PARD3B: variants seen among roughly 807,000 people sequenced by gnomAD.
PARD3B encodes par-3 family cell polarity regulator beta.
In PARD3B, 103 loss-of-function variants were observed where a neutral mutation model predicts 130.2. The ratio of observed to expected loss-of-function variants is 0.79; its 90% CI spans 0.67 to 0.93. The LOEUF (loss-of-function observed/expected upper bound fraction) is 0.93, where lower values mean the gene tolerates loss of function less well. Ranked by LOEUF, PARD3B falls within the 40% of genes least tolerant of loss-of-function variation. The probability of loss-of-function intolerance (pLI) is 0.00; values close to 1 mark genes in which losing one functional copy is unlikely to be tolerated. For synonymous variants in PARD3B, 583 were observed against 553.2 expected (o/e 1.05, Z -0.76); for missense variants, 1,609 against 1,499.2 (o/e 1.07, Z -1.21).
At chr2:205,306,552 C>A (rs1271352335) in intron 18 of PARD3B, among the ~76,000 whole-genome samples, 1 of 152,110 alleles carries the variant, frequency 6.6e-6, no homozygotes, top group Non-Finnish European at 1.5e-5. Context: ...TACTTCATTG[C>A]CCATAATACA....
chr2:204,876,228 C>T (rs1206443136), intron 2 of PARD3B, among the ~76,000 whole-genome samples: 1 of 152,176 alleles, frequency 6.6e-6, no homozygotes, highest in East Asian at 1.9e-4. Flanking sequence ...TAATCTTTGC[C>T]TCATAAAATG....
At chr2:205,036,649 T>C (rs1425686258) in intron 3 of PARD3B, among the ~76,000 whole-genome samples, 1 of 146,578 alleles carries the variant, frequency 6.8e-6, no homozygotes, top group Non-Finnish European at 1.5e-5. Flanking sequence ...AAAAAGTATA[T>C]ATACACAGCG....
intron 16 of PARD3B, among the ~76,000 whole-genome samples, chr2:205,285,649 C>A (rs1207422): frequency 0.1 from 15,638 of 152,204 alleles, 882 homozygotes; most frequent in African/African-American, 0.12. Flanking sequence ...CGATGTTCTC[C>A]GCTGTCGCCC....
intron 20 of PARD3B, among the ~76,000 whole-genome samples, chr2:205,475,969 T>C (rs1277002515): frequency 6.6e-6 from 1 of 152,194 alleles, no homozygotes; most frequent in Non-Finnish European, 1.5e-5. Context: ...ATTTAGCTTG[T>C]TTTATTGCTG....
chr2:205,062,442 G>A (rs142040106), intron 4 of PARD3B, among the ~76,000 whole-genome samples: 430 of 152,032 alleles, frequency 2.8e-3, no homozygotes, highest in African/African-American at 8.1e-3. Flanking sequence ...CCTGCTCCCC[G>A]CTCCCACCCA....
intron 4 of PARD3B, among the ~76,000 whole-genome samples, chr2:205,095,199 G>A (rs928670206): frequency 2.0e-5 from 3 of 152,080 alleles, no homozygotes; most frequent in African/African-American, 7.2e-5. Flanking sequence ...CTGGGCTTAA[G>A]CAGTTTTAAT....
rs757843124 is a variant in PARD3B, at chr2:205,104,507, A to T, written c.586A>T (p.Thr196Ser). 1.3e-6 allele frequency: 2 copies of T among 1,533,950 alleles called. No homozygotes were observed. Among genetic ancestry groups the T allele is most frequent in the South Asian group, 2.2e-5 (2 of 89,248 alleles). Residue 196 changes from threonine to serine, a missense_variant, in exon 5 of 23, where the codon ACA (threonine) becomes TCA (serine). Transcript: ENST00000406610. Reference sequence around the variant, plus strand: ...ACTAACTTCGCCAAGAACTAAGGACACATTGAGGTATTCTCTTTATACAGA... The same window carrying T: ...ACTAACTTCGCCAAGAACTAAGGACTCATTGAGGTATTCTCTTTATACAGA... ...ELLTSPRTKD[T>S]LSDMTRTVEI...
intron 16 of PARD3B, among the ~76,000 whole-genome samples, chr2:205,286,119 T>A (rs1054504106): frequency 2.0e-5 from 3 of 152,104 alleles, no homozygotes; most frequent in African/African-American, 7.2e-5. Flanking sequence ...TGCTCAAAAG[T>A]TGATTTTAAA....
Position 205,183,730 on chromosome 2 carries a change from TTGTGTGTGTGTGTGTGTG to T in PARD3B, c.1925-2007_1925-1990del, listed in dbSNP as rs71410805. Among the ~76,000 whole-genome samples, 4 of 138,160 alleles carry T rather than the reference TTGTGTGTGTGTGTGTGTG, an allele frequency of 2.9e-5. No homozygotes were observed. Among genetic ancestry groups the T allele is most frequent in the African/African-American group, 5.4e-5 (2 of 37,068 alleles). 90.6% of individuals were successfully genotyped at this position (138,160 alleles called of 152,430 possible). On this transcript the variant is annotated intron_variant, in intron 13 of 22. Coordinates refer to ENST00000406610, the MANE Select transcript of PARD3B (RefSeq NM_001302769.2). The surrounding 1 kb of genome is among the most constrained non-coding windows in gnomAD (Gnocchi z 5.2). ...GGTTCTGCAGAGAAACAGAACCAAG[TTGTGTGTGTGTGTGTGTG>T]TGTGTGTGTGTGTGTGTGTGTGTGT...
chr2:204,931,160 A>G (rs1412998993), intron 2 of PARD3B, among the ~76,000 whole-genome samples: 1 of 152,116 alleles, frequency 6.6e-6, no homozygotes, highest in East Asian at 1.9e-4. Context: ...CAAATTCAGT[A>G]TTTTGTAGAT....
At position 205,525,922 on chromosome 2, in the gene PARD3B, G is replaced by A. The variant is rs114490570; in HGVS notation, c.3180+25891G>A. Among the ~76,000 whole-genome samples, 210 of 152,200 alleles carry A rather than the reference G, an allele frequency of 1.4e-3. No individual in the cohort carries two copies. The highest frequency in any genetic ancestry group is 4.8e-3 in the African/African-American group (199 of 41,526). Reference sequence around the variant, plus strand: ...CTTTTTCAAAAATCATCTTAGAATCGAACCAGTCTTACTCTGATTTTCATG... The same window carrying A: ...CTTTTTCAAAAATCATCTTAGAATCAAACCAGTCTTACTCTGATTTTCATG... On this transcript the variant is annotated intron_variant, in intron 21 of 22. Transcript: ENST00000406610. The surrounding 1 kb of genome is among the most constrained non-coding windows in gnomAD (Gnocchi z 4.2).
At chr2:204,572,991 G>A (rs542111926) in intron 1 of PARD3B, among the ~76,000 whole-genome samples, 4 of 152,170 alleles carry the variant, frequency 2.6e-5, no homozygotes, top group African/African-American at 4.8e-5. Flanking sequence ...TGACTTCTCT[G>A]CTATCTTAAA....
rs184625770 is a variant in PARD3B, at chr2:205,321,133, G to C, written c.2630+19432G>C. The stretch of plus-strand genomic sequence containing the variant: ...TAACTGTAGCTAAAACATTAATATA[G>C]TTTAGAGATGATAGTTTTTGTAATA... On this transcript the variant is annotated intron_variant, in intron 18 of 22. Coordinates refer to ENST00000406610, the MANE Select transcript of PARD3B (RefSeq NM_001302769.2). The surrounding 1 kb of genome is among the most constrained non-coding windows in gnomAD (Gnocchi z 4.2). Among the ~76,000 whole-genome samples, 90 of 152,276 alleles carry C rather than the reference G, an allele frequency of 5.9e-4. No individual in the cohort carries two copies. The highest frequency in any genetic ancestry group is 2.1e-3 in the African/African-American group (89 of 41,548).
At chr2:204,868,481 C>A (rs182909967) in intron 2 of PARD3B, among the ~76,000 whole-genome samples, 4 of 152,164 alleles carry the variant, frequency 2.6e-5, no homozygotes, top group African/African-American at 9.6e-5. Flanking sequence ...CACACCCATG[C>A]CTTAGTTGTA....
At chr2:204,600,791 C>G (rs1367346548) in intron 1 of PARD3B, among the ~76,000 whole-genome samples, 1 of 151,800 alleles carries the variant, frequency 6.6e-6, no homozygotes, top group Non-Finnish European at 1.5e-5. Flanking sequence ...CCATCATTGA[C>G]TAGCCTCTCT....
intron 16 of PARD3B, among the ~76,000 whole-genome samples, chr2:205,254,665 T>TTA (rs1491353728): frequency 2.4e-5 from 3 of 127,106 alleles, no homozygotes; most frequent in African/African-American, 1.0e-4. Context: ...TTTTATTTTA[T>TTA]TTTATTTTTT....
In PARD3B at chr2:205,006,166, G is replaced by A. The variant is rs183204790; in HGVS notation, c.394+40843G>A. 1.6e-3 allele frequency among the ~76,000 whole-genome samples: 238 copies of A among 152,280 alleles called. 1 individual carries two copies. The highest frequency in any genetic ancestry group is 5.2e-3 in the African/African-American group (217 of 41,560). ...TTCATTCCTTTTTTATGGCTGAGTA[G>A]TATTCCACGGTGTATATATACCACA... On this transcript the variant is annotated intron_variant, in intron 3 of 22. Coordinates refer to ENST00000406610, the MANE Select transcript of PARD3B (RefSeq NM_001302769.2).
At chr2:205,548,959 A>C (rs1204525958) in intron 21 of PARD3B, among the ~76,000 whole-genome samples, 2 of 152,170 alleles carry the variant, frequency 1.3e-5, no homozygotes, top group Non-Finnish European at 2.9e-5. Flanking sequence ...CAAAGACCTC[A>C]ATGGATCCCT....
chr2:205,059,336 G>A (rs1182896243), intron 4 of PARD3B, among the ~76,000 whole-genome samples: 5 of 151,990 alleles, frequency 3.3e-5, no homozygotes, highest in African/African-American at 9.7e-5. Context: ...ACTGCATGAA[G>A]GACCCTATGT....
Sources: allele counts gnomAD v4.1 joint callset (sites outside exome capture counted in the v4.1 genomes callset), GRCh38; gene constraint gnomAD v4.1.1; non-coding constraint Gnocchi (gnomAD v3.1); transcripts MANE v1.5; gene names NCBI Gene and HGNC (gene_info 2026-07-23, HGNC 2026-07-21).